The following DLGAP2 variants were observed in gnomAD, a reference collection of about 807,000 sequenced individuals.
DLGAP2 encodes the protein DLG associated protein 2.
In DLGAP2, 26 loss-of-function variants were observed where a neutral mutation model predicts 100.3. The observed-to-expected ratio is 0.26, with a 90% CI of 0.19 to 0.36. The LOEUF is 0.36. Among genes scored for constraint, DLGAP2 ranks in the 10% least tolerant of loss-of-function variants. The pLI is 1.00. For missense variants in DLGAP2, 1,858 were observed against 1,453.2 expected (o/e 1.28, Z -4.53); for synonymous variants, 886 against 630.1 (o/e 1.41, Z -6.08).
chr8:1,133,220 T>G (rs1796334846), intron 2 of DLGAP2, among the ~76,000 whole-genome samples: 1 of 152,228 alleles, frequency 6.6e-6, no homozygotes, highest in Admixed American at 6.5e-5. Flanking sequence ...TACCTGGCAT[T>G]TTTCTGAAAA....
intron 3 of DLGAP2, among the ~76,000 whole-genome samples, chr8:1,456,062 G>A (rs1798302149): frequency 6.6e-6 from 1 of 152,162 alleles, no homozygotes; most frequent in Non-Finnish European, 1.5e-5. Context: ...TCTGTTGTTG[G>A]CCAACTCCTG....
At chr8:1,571,155 G>A (rs1331409372) in intron 6 of DLGAP2, among the ~76,000 whole-genome samples, 19 of 114,640 alleles carry the variant, frequency 1.7e-4, no homozygotes, top group African/African-American at 3.6e-4. Context: ...GCATCTTCTG[G>A]GATGGAGAGG....
intron 3 of DLGAP2, among the ~76,000 whole-genome samples, chr8:1,281,716 G>A (rs995522948): frequency 1.3e-5 from 2 of 152,208 alleles, no homozygotes; most frequent in African/African-American, 4.8e-5. Flanking sequence ...TGACCAGGGA[G>A]AGGCAGATGT....
chr8:821,380 C>A (rs1196560379), intron 1 of DLGAP2, among the ~76,000 whole-genome samples: 1 of 152,142 alleles, frequency 6.6e-6, no homozygotes, highest in Non-Finnish European at 1.5e-5. Flanking sequence ...GCATATCTTT[C>A]CAGTGTAACT....
intron 2 of DLGAP2, among the ~76,000 whole-genome samples, chr8:1,257,803 T>C (rs73533771): frequency 0.098 from 14,866 of 152,192 alleles, 1,916 homozygotes; most frequent in African/African-American, 0.29. Context: ...GTCCCTGCAG[T>C]CTTGATATCT....
Position 1,179,842 on chromosome 8 carries a change from T to C in DLGAP2, c.74-79009T>C, listed in dbSNP as rs573363456. Among the ~76,000 whole-genome samples, 5 of 152,308 alleles carry C rather than the reference T, an allele frequency of 3.3e-5. No individual in the cohort carries two copies. In the South Asian group the frequency reaches 1.0e-3, roughly 32 times the overall value. On this transcript the variant is annotated intron_variant, in intron 2 of 14. Transcript: ENST00000637795. ...ATTTATACCCAGTGATTGCTAAGAA[T>C]AGACTGAAAGATATTCAGTATATAA...
At chr8:1,269,715 A>G (rs767303366) in intron 3 of DLGAP2, among the ~76,000 whole-genome samples, 4 of 152,136 alleles carry the variant, frequency 2.6e-5, no homozygotes, top group East Asian at 1.9e-4. Context: ...CCCCCAGCCA[A>G]TCTTGTGATC....
intron 3 of DLGAP2, among the ~76,000 whole-genome samples, chr8:1,288,729 G>A (rs1054141928): frequency 2.0e-5 from 3 of 148,846 alleles, no homozygotes; most frequent in Non-Finnish European, 4.5e-5. Flanking sequence ...TTTCGTTTCA[G>A]TGTGTGTGTG....
At chr8:1,560,778 C>G (rs1445742783) in intron 5 of DLGAP2, among the ~76,000 whole-genome samples, 1 of 152,240 alleles carries the variant, frequency 6.6e-6, no homozygotes, top group Non-Finnish European at 1.5e-5. Flanking sequence ...TTCACACGGA[C>G]AAAATGTGAA....
chr8:1,701,063 T>G, intron 14 of DLGAP2, 125 bp from the exon 15 acceptor site: 3 of 812,246 alleles, frequency 3.7e-6, no homozygotes, highest in East Asian at 2.7e-5. Flanking sequence ...GGGACGGGAG[T>G]GAAGGATGCG....
chr8:1,365,380 G>C (rs940952816), intron 3 of DLGAP2, among the ~76,000 whole-genome samples: 6 of 152,154 alleles, frequency 3.9e-5, no homozygotes, highest in Non-Finnish European at 7.3e-5. Flanking sequence ...GAGATGCTTG[G>C]ATTCCTGCCT....
At chr8:1,623,031 T>C (rs957004574) in intron 6 of DLGAP2, among the ~76,000 whole-genome samples, 15 of 152,342 alleles carry the variant, frequency 9.8e-5, no homozygotes, top group African/African-American at 3.6e-4. Flanking sequence ...GAACCTGGCC[T>C]TCTGGGACTC....
intron 1 of DLGAP2, among the ~76,000 whole-genome samples, chr8:797,788 T>C (rs1364029212): frequency 6.6e-6 from 1 of 152,162 alleles, no homozygotes; most frequent in East Asian, 1.9e-4. Flanking sequence ...TTCACTCTTA[T>C]TGCCCAGGCT....
chr8:1,505,898 C>T (rs1204276462), intron 4 of DLGAP2, among the ~76,000 whole-genome samples: 2 of 151,966 alleles, frequency 1.3e-5, no homozygotes, highest in Non-Finnish European at 2.9e-5. Flanking sequence ...GCTATATTGA[C>T]CCAAATTTTG....
intron 2 of DLGAP2, among the ~76,000 whole-genome samples, chr8:1,029,807 G>T (rs975864654): frequency 5.9e-5 from 9 of 152,220 alleles, no homozygotes; most frequent in Non-Finnish European, 1.0e-4. Flanking sequence ...CCTTGTCTGG[G>T]AGGGGCAGGT....
At chr8:966,357 C>T (rs1057479964) in intron 2 of DLGAP2, among the ~76,000 whole-genome samples, 1 of 152,152 alleles carries the variant, frequency 6.6e-6, no homozygotes, top group African/African-American at 2.4e-5. Flanking sequence ...TAAATCATGA[C>T]TAAGATGATT....
At chr8:1,655,798 T>C (rs1798270284) in intron 8 of DLGAP2, among the ~76,000 whole-genome samples, 4 of 152,242 alleles carry the variant, frequency 2.6e-5, no homozygotes, top group Admixed American at 2.6e-4. Flanking sequence ...CAGAGTCCTC[T>C]GCTTCATGTG....
At chr8:1,585,614 G>A (rs549311464) in intron 6 of DLGAP2, among the ~76,000 whole-genome samples, 2 of 152,308 alleles carry the variant, frequency 1.3e-5, no homozygotes, top group South Asian at 2.1e-4. Context: ...CATTGCAGGT[G>A]CAAACAAGAA....
chr8:1,007,635 T>TGGGG (rs58911784), intron 2 of DLGAP2, among the ~76,000 whole-genome samples: 5 of 142,482 alleles, frequency 3.5e-5, no homozygotes, highest in African/African-American at 1.3e-4. Context: ...TTTTTTTTTT[T>TGGGG]GGGGGGGGGA....
Sources: gnomAD v4.1 joint callset for allele counts (sites outside exome capture counted in the v4.1 genomes callset) on GRCh38, gnomAD v4.1.1 for gene constraint, MANE v1.5 for transcripts, NCBI Gene and HGNC (gene_info 2026-07-23, HGNC 2026-07-21) for gene names.